COL4A6: variants seen among roughly 807,000 people sequenced by gnomAD.
The protein encoded by COL4A6 is collagen alpha-6(IV) chain.
Under a neutral mutation model 126.7 loss-of-function variants are expected in COL4A6, and 59 were observed. The ratio of observed to expected loss-of-function variants is 0.47; its 90% CI spans 0.38 to 0.58. The LOEUF is 0.58. Among genes scored for constraint, COL4A6 ranks in the 20% least tolerant of loss-of-function variants. The pLI is 0.00. For synonymous variants in COL4A6, 547 were observed against 496.6 expected, an observed-to-expected ratio of 1.10 and a Z score of -1.35; for missense variants, 1,285 against 1,337.3, an observed-to-expected ratio of 0.96 and a Z score of 0.61.
intron 44 of COL4A6, among the ~76,000 whole-genome samples, chrX:108,159,207 C>T (rs771369303): frequency 2.0e-4 from 22 of 111,811 alleles, no homozygotes; most frequent in East Asian, 1.4e-3. Flanking sequence ...GGCATGGAGA[C>T]GGCGGGGCAT....
chrX:108,425,167 ATG>A (rs3081000), intron 2 of COL4A6, among the ~76,000 whole-genome samples: 16,469 of 88,918 alleles, frequency 0.19, 1,275 homozygotes, highest in Admixed American at 0.32. Flanking sequence ...AGTTAACTGT[ATG>A]TGTGTGTGTG....
chrX:108,203,044 C>A, intron 12 of COL4A6, 63 bp from the exon 13 acceptor site: 1 of 948,284 alleles, frequency 1.1e-6, no homozygotes, highest in Non-Finnish European at 1.5e-6. Context: ...AGTAGGATGG[C>A]TCTCCACATG....
At chrX:108,183,074 T>C (rs1244752903) in intron 23 of COL4A6, among the ~76,000 whole-genome samples, 1 of 112,430 alleles carries the variant, frequency 8.9e-6, no homozygotes, top group East Asian at 2.8e-4. Flanking sequence ...TTGTGTATTG[T>C]AAGCAGAGGT....
chrX:108,436,381 G>A (rs1021571292), intron 2 of COL4A6, among the ~76,000 whole-genome samples: 1 of 112,488 alleles, frequency 8.9e-6, no homozygotes, highest in Non-Finnish European at 1.9e-5. Flanking sequence ...GTTTTTAAAG[G>A]TATTAAGTGA....
chrX:108,331,646 A>G (rs1028202942), intron 2 of COL4A6, among the ~76,000 whole-genome samples: 1 of 111,847 alleles, frequency 8.9e-6, no homozygotes, highest in African/African-American at 3.2e-5. Flanking sequence ...TGTGGAAACT[A>G]GCAAGTCTGG....
chrX:108,379,751 T>C (rs1205907096), intron 2 of COL4A6, among the ~76,000 whole-genome samples: 1 of 110,474 alleles, frequency 9.1e-6, no homozygotes, highest in East Asian at 2.8e-4. Context: ...ATACTAGTAG[T>C]ATTATGACAA....
intron 2 of COL4A6, among the ~76,000 whole-genome samples, chrX:108,425,689 G>A (rs1052547417): frequency 2.8e-5 from 3 of 107,392 alleles, no homozygotes; most frequent in African/African-American, 6.9e-5. Flanking sequence ...AGCCGAGATC[G>A]CACCACTGCA....
intron 7 of COL4A6, among the ~76,000 whole-genome samples, chrX:108,211,410 C>G (rs1461073413): frequency 1.8e-5 from 2 of 112,823 alleles, no homozygotes; most frequent in Non-Finnish European, 3.8e-5. Context: ...AAAATGATAC[C>G]CATGCAAACT....
chrX:108,253,279 C>T (rs1373686650), intron 3 of COL4A6, among the ~76,000 whole-genome samples: 3 of 111,753 alleles, frequency 2.7e-5, no homozygotes, highest in African/African-American at 9.7e-5. Flanking sequence ...ACTCTCAGAA[C>T]TAATAAATGA....
At chrX:108,315,976 T>C (rs2038872708) in intron 2 of COL4A6, among the ~76,000 whole-genome samples, 1 of 111,942 alleles carries the variant, frequency 8.9e-6, no homozygotes, top group Admixed American at 9.5e-5. Flanking sequence ...TCTTCGTTTC[T>C]CCTGGGTCTC....
intron 3 of COL4A6, among the ~76,000 whole-genome samples, chrX:108,304,904 G>A (rs1181752471): frequency 8.9e-6 from 1 of 112,184 alleles, no homozygotes; most frequent in Non-Finnish European, 1.9e-5. Context: ...CAACTTCACA[G>A]CATCCTAACA....
At chrX:108,230,264 A>G (rs1384316827) in intron 3 of COL4A6, among the ~76,000 whole-genome samples, 1 of 112,231 alleles carries the variant, frequency 8.9e-6, no homozygotes, top group Admixed American at 9.4e-5. Context: ...CACACAAAAC[A>G]TAATTGTGGG....
At chrX:108,187,774 G>T in intron 22 of COL4A6, 74 bp downstream of exon 22, 1 of 996,718 alleles carries the variant, frequency 1.0e-6, no homozygotes, top group Non-Finnish European at 1.4e-6. Context: ...TCATGGTCCA[G>T]TGGCCATCAG....
intron 7 of COL4A6, among the ~76,000 whole-genome samples, chrX:108,210,318 C>A (rs1423182137): frequency 8.9e-6 from 1 of 112,145 alleles, no homozygotes; most frequent in Admixed American, 9.4e-5. Context: ...CTTCTGTGGG[C>A]TAGTGATTTT....
intron 2 of COL4A6, among the ~76,000 whole-genome samples, chrX:108,386,484 T>C (rs770186150): frequency 8.9e-6 from 1 of 112,576 alleles, no homozygotes; most frequent in South Asian, 3.7e-4. Context: ...TGATGAGCAA[T>C]TTTTCCATAC....
At chrX:108,202,819 G>T (rs985577782) in intron 13 of COL4A6, 109 bp downstream of exon 13, 3 of 602,940 alleles carry the variant, frequency 5.0e-6, no homozygotes, top group Non-Finnish European at 8.3e-6. Context: ...AAAGATGGTG[G>T]CATTCTCTAC....
intron 2 of COL4A6, among the ~76,000 whole-genome samples, chrX:108,372,919 A>T (rs1332674905): frequency 8.9e-6 from 1 of 112,381 alleles, no homozygotes; most frequent in Non-Finnish European, 1.9e-5. Context: ...GCTTGAAATC[A>T]CAATCACAAC....
intron 2 of COL4A6, among the ~76,000 whole-genome samples, chrX:108,411,497 C>T (rs939028819): frequency 3.6e-5 from 4 of 111,478 alleles, no homozygotes; most frequent in African/African-American, 1.3e-4. Context: ...AGGACAGACA[C>T]TGTTATCTCC....
intron 6 of COL4A6, among the ~76,000 whole-genome samples, chrX:108,213,105 G>C (rs1266134276): frequency 9.0e-6 from 1 of 111,683 alleles, no homozygotes; most frequent in Non-Finnish European, 1.9e-5. Context: ...TCTGGGGCTT[G>C]TGCTTTGTCC....
Sources: gnomAD v4.1 joint callset for allele counts (sites outside exome capture counted in the v4.1 genomes callset) on GRCh38, gnomAD v4.1.1 for gene constraint, MANE v1.5 for transcripts, NCBI Gene and HGNC (gene_info 2026-07-23, HGNC 2026-07-21) for gene names.